Variants in UIMC1 observed in about 807,000 individuals in gnomAD.
UIMC1 encodes BRCA1-A complex subunit RAP80.
UIMC1 carries 42 observed loss-of-function variants against 84.9 expected under a neutral mutation model. That is an observed-to-expected ratio of 0.49 (90% CI 0.39 to 0.64). The LOEUF is 0.64. Among genes scored for constraint, UIMC1 ranks in the 30% least tolerant of loss-of-function variants. The probability of loss-of-function intolerance (pLI) is 0.00; values close to 1 mark genes in which losing one functional copy is unlikely to be tolerated. For missense variants in UIMC1, 825 were observed against 847.6 expected (o/e 0.97, Z 0.33); for synonymous variants, 281 against 293.0 (o/e 0.96, Z 0.42).
chr5:176,969,457 T>C, intron 5 of UIMC1, 144 bp downstream of exon 5: 1 of 1,278,058 alleles, frequency 7.8e-7, no homozygotes, highest in East Asian at 2.4e-5. Context: ...CCGGATATTC[T>C]TATGATCTCA....
At chr5:176,911,020 C>T (rs1203458120) in intron 11 of UIMC1, among the ~76,000 whole-genome samples, 1 of 149,622 alleles carries the variant, frequency 6.7e-6, no homozygotes, top group African/African-American at 2.5e-5. Context: ...ACCCAGGAGG[C>T]GGAGGTTATG....
intron 1 of UIMC1, among the ~76,000 whole-genome samples, chr5:177,018,090 C>T (rs1775709932): frequency 2.6e-5 from 4 of 152,114 alleles, no homozygotes; most frequent in African/African-American, 7.2e-5. Context: ...GTGGCTCACA[C>T]TGGTAATCCC....
intron 10 of UIMC1, among the ~76,000 whole-genome samples, chr5:176,913,028 T>C (rs948104430): frequency 3.9e-5 from 6 of 152,220 alleles, no homozygotes; most frequent in African/African-American, 1.2e-4. Flanking sequence ...TCCATTCTAA[T>C]TGCAATCTGC....
intron 1 of UIMC1, among the ~76,000 whole-genome samples, chr5:177,001,716 G>T (rs1774491175): frequency 6.6e-6 from 1 of 150,940 alleles, no homozygotes; most frequent in Non-Finnish European, 1.5e-5. Context: ...AGGGGGGGCG[G>T]ATCACAAGGT....
chr5:176,976,276 C>T (rs900173629), intron 2 of UIMC1, among the ~76,000 whole-genome samples: 23 of 151,920 alleles, frequency 1.5e-4, no homozygotes, highest in Admixed American at 5.9e-4. Context: ...GATCGCACCA[C>T]GATATTCCAG....
intron 1 of UIMC1, among the ~76,000 whole-genome samples, chr5:176,996,932 T>C (rs1477884202): frequency 3.3e-5 from 5 of 152,038 alleles, no homozygotes; most frequent in African/African-American, 9.7e-5. Flanking sequence ...TCTCAAAATA[T>C]CCCAGAATGG....
chr5:176,905,360 G>A lies in UIMC1; in HGVS notation c.2082C>T (p.Asp694=). 6.2e-7 allele frequency: 1 copy of A among 1,614,148 alleles called. No homozygotes were observed. The highest frequency in any genetic ancestry group is 1.1e-5 in the South Asian group (1 of 91,086). ...GCTGGACAGTAACTTGCTTTTTAAA[G>A]TCCACTAAGCAATCTGTGGCTTCTG... ...SISEATDCLV[D]FKKQVTVQPG... is the part of the protein sequence containing the mutation. The change falls in exon 15 of 15, where the codon GAC becomes GAT. Residue 694 remains aspartate, a synonymous_variant. Coordinates refer to ENST00000511320, the MANE Select transcript of UIMC1 (RefSeq NM_001199298.2).
At chr5:176,982,365 G>A (rs1430684473) in intron 2 of UIMC1, 104 bp downstream of exon 2, 5 of 1,335,006 alleles carry the variant, frequency 3.7e-6, no homozygotes, top group Non-Finnish European at 5.1e-6. Flanking sequence ...CATGGTTTTG[G>A]TGAGCTGGCA....
chr5:176,924,559 C>T (rs1762143844), intron 10 of UIMC1, among the ~76,000 whole-genome samples: 1 of 151,992 alleles, frequency 6.6e-6, no homozygotes, highest in South Asian at 2.1e-4. Context: ...AAAAAGAAGT[C>T]TTTAATGAAC....
chr5:177,018,169 G>A (rs1232748117), intron 1 of UIMC1, among the ~76,000 whole-genome samples: 2 of 151,844 alleles, frequency 1.3e-5, no homozygotes, highest in African/African-American at 2.4e-5. Context: ...TGGCCAACAT[G>A]GTAAAATCCT....
intron 9 of UIMC1, among the ~76,000 whole-genome samples, chr5:176,945,200 G>A (rs1287980874): frequency 1.3e-5 from 2 of 152,226 alleles, no homozygotes; most frequent in Admixed American, 6.5e-5. Flanking sequence ...GGTGGGGAAA[G>A]TCAAGTGGGT....
intron 9 of UIMC1, among the ~76,000 whole-genome samples, chr5:176,950,414 T>C (rs887095176): frequency 6.6e-6 from 1 of 151,926 alleles, no homozygotes; most frequent in African/African-American, 2.4e-5. Context: ...GAACCTTTCT[T>C]ACAGTGCGCA....
intron 10 of UIMC1, among the ~76,000 whole-genome samples, chr5:176,932,503 A>C (rs1472715971): frequency 4.6e-5 from 7 of 150,664 alleles, no homozygotes; most frequent in Admixed American, 2.6e-4. Flanking sequence ...CAGGAGACAG[A>C]TATAGATAGA....
intron 1 of UIMC1, among the ~76,000 whole-genome samples, chr5:176,993,104 T>A (rs1476376031): frequency 6.7e-6 from 1 of 150,270 alleles, no homozygotes; most frequent in Non-Finnish European, 1.5e-5. Context: ...GAGAATCATT[T>A]GAACCCCAGA....
chr5:176,918,053 C>A (rs546413936), intron 10 of UIMC1, among the ~76,000 whole-genome samples: 247 of 152,336 alleles, frequency 1.6e-3, no homozygotes, highest in African/African-American at 5.7e-3. Context: ...GACAGCACAG[C>A]TATAGAGCAC....
At chr5:177,022,540 C>T (rs1775916513) in exon 1 of UIMC1, 3 of 557,894 alleles carry the variant, frequency 5.4e-6, no homozygotes, top group Non-Finnish European at 9.1e-6. Context: ...GCGGAATCAG[C>T]GACAGGTTTC....
At chr5:176,913,860 C>G (rs566108095) in intron 10 of UIMC1, among the ~76,000 whole-genome samples, 1 of 152,252 alleles carries the variant, frequency 6.6e-6, no homozygotes, top group African/African-American at 2.4e-5. Flanking sequence ...GCCTGTAGTC[C>G]CAGCTACTCA....
chr5:177,009,272 G>C (rs752280537), upstream of UIMC1, among the ~76,000 whole-genome samples: 2 of 151,872 alleles, frequency 1.3e-5, no homozygotes, highest in African/African-American at 2.4e-5. The surrounding 1 kb of genome is among the most constrained non-coding windows in gnomAD (Gnocchi z 4.3). Flanking sequence ...GCCTCCCAAA[G>C]TGCTGGGATT....
Position 176,932,375 on chromosome 5 carries a change from C to T in UIMC1, c.1597+10960G>A, listed in dbSNP as rs374926879. Reference sequence around the variant, plus strand: ...CACAGCAAGGAAAAAGAATTAAGTACATTTTGTATTATTTGTGAAAGTTAA... The same window carrying T: ...CACAGCAAGGAAAAAGAATTAAGTATATTTTGTATTATTTGTGAAAGTTAA... On this transcript the variant is annotated intron_variant, in intron 10 of 14. Coordinates refer to ENST00000511320, the MANE Select transcript of UIMC1 (RefSeq NM_001199298.2). Among the ~76,000 whole-genome samples, 15 of 152,286 alleles carry T rather than the reference C, an allele frequency of 9.8e-5. No homozygotes were observed. The East Asian group carries it at 2.5e-3, about 25-fold the overall frequency.
Sources: gnomAD v4.1 joint callset for allele counts (sites outside exome capture counted in the v4.1 genomes callset) on GRCh38, gnomAD v4.1.1 for gene constraint, Gnocchi (gnomAD v3.1) non-coding constraint, MANE v1.5 for transcripts, NCBI Gene and HGNC (gene_info 2026-07-23, HGNC 2026-07-21) for gene names.